Variants in ITGAV observed in about 807,000 individuals in gnomAD.
The protein encoded by ITGAV is integrin subunit alpha V, also known as integrin alpha-V.
Under a neutral mutation model 143.8 loss-of-function variants are expected in ITGAV, and 76 were observed. That is an observed-to-expected ratio of 0.53 (90% CI 0.44 to 0.64). ITGAV has a LOEUF of 0.64. Among genes scored for constraint, ITGAV ranks in the 30% least tolerant of loss-of-function variants. ITGAV has a pLI of 0.00. For missense variants in ITGAV, 1,193 were observed against 1,274.7 expected, an observed-to-expected ratio of 0.94 and a Z score of 0.98; for synonymous variants, 453 against 446.7, an observed-to-expected ratio of 1.01 and a Z score of -0.18.
At chr2:186,604,136 T>C (rs1463065903) in intron 2 of ITGAV, among the ~76,000 whole-genome samples, 1 of 152,052 alleles carries the variant, frequency 6.6e-6, no homozygotes, top group South Asian at 2.1e-4. Flanking sequence ...TCTCCTGAAG[T>C]CCTGAGACTA....
At chr2:186,633,987 G>A (rs976745758) in intron 6 of ITGAV, among the ~76,000 whole-genome samples, 11 of 151,970 alleles carry the variant, frequency 7.2e-5, no homozygotes, top group African/African-American at 2.7e-4. Flanking sequence ...AAGATCATAC[G>A]ACTGTACTCC....
chr2:186,593,921 T>C (rs1004749613), intron 1 of ITGAV, among the ~76,000 whole-genome samples: 3 of 152,244 alleles, frequency 2.0e-5, no homozygotes, highest in Non-Finnish European at 4.4e-5. Flanking sequence ...ATATATGTTA[T>C]ACAGTTCTCA....
chr2:186,669,268 A>G (rs1358385998), intron 25 of ITGAV, among the ~76,000 whole-genome samples: 1 of 152,222 alleles, frequency 6.6e-6, no homozygotes, highest in Non-Finnish European at 1.5e-5. Flanking sequence ...CTTTGGGATA[A>G]GCTATACCAT....
At chr2:186,593,355 A>C (rs980714017) in intron 1 of ITGAV, among the ~76,000 whole-genome samples, 2 of 152,202 alleles carry the variant, frequency 1.3e-5, no homozygotes, top group African/African-American at 4.8e-5. Flanking sequence ...ACTAAGCAAA[A>C]TGTTAAGGCG....
At chr2:186,661,735 T>C (rs577960208) in intron 18 of ITGAV, among the ~76,000 whole-genome samples, 1 of 152,088 alleles carries the variant, frequency 6.6e-6, no homozygotes, top group Non-Finnish European at 1.5e-5. Context: ...TAGCTGGGAC[T>C]ACAGGAACCC....
chr2:186,638,673 G>T (rs944624595), intron 10 of ITGAV, among the ~76,000 whole-genome samples: 1 of 99,094 alleles, frequency 1.0e-5, no homozygotes, highest in Non-Finnish European at 2.3e-5. Context: ...TGTGTGTGTA[G>T]TATATAAACA....
At chr2:186,616,705 A>G (rs1687374751) in intron 2 of ITGAV, among the ~76,000 whole-genome samples, 1 of 152,104 alleles carries the variant, frequency 6.6e-6, no homozygotes, top group East Asian at 1.9e-4. Context: ...AATATTTTAT[A>G]TAATTATATA....
intron 2 of ITGAV, among the ~76,000 whole-genome samples, chr2:186,609,696 C>T (rs1018816574): frequency 2.0e-5 from 3 of 151,774 alleles, no homozygotes; most frequent in Non-Finnish European, 2.9e-5. Flanking sequence ...GATGAAATTC[C>T]TTAGATGTCG....
chr2:186,655,619 G>T (rs1042901904), intron 16 of ITGAV, among the ~76,000 whole-genome samples: 1 of 152,188 alleles, frequency 6.6e-6, no homozygotes, highest in Non-Finnish European at 1.5e-5. Context: ...TGGTTTTAAA[G>T]ATTTGCACTC....
chr2:186,670,486 A>C (rs974572538), intron 26 of ITGAV, among the ~76,000 whole-genome samples: 1 of 152,058 alleles, frequency 6.6e-6, no homozygotes, highest in African/African-American at 2.4e-5. Context: ...TTTTTTGTTG[A>C]GATGAGGTTT....
In ITGAV at chr2:186,591,440, T is replaced by A. The variant is rs571171769; in HGVS notation, c.185+917T>A. Among the ~76,000 whole-genome samples, 19 of 152,354 alleles carry A rather than the reference T, an allele frequency of 1.2e-4. No individual in the cohort carries two copies. In the South Asian group the frequency reaches 2.9e-3, roughly 23 times the overall value. On this transcript the variant is annotated intron_variant, in intron 1 of 29. Coordinates refer to ENST00000261023, the MANE Select transcript of ITGAV (RefSeq NM_002210.5). ...TTTTAATGAATGTTGACTGTTTTTT[T>A]AATGATGTTTAAATCTTGTTTTCAA...
intron 2 of ITGAV, 46 bp downstream of exon 2, chr2:186,602,197 T>G (rs887175950): frequency 6.4e-7 from 1 of 1,569,776 alleles, no homozygotes; most frequent in South Asian, 1.2e-5. Flanking sequence ...TCATTTGATT[T>G]TTTTTTTGCA....
chr2:186,604,637 A>G (rs1687006847), intron 2 of ITGAV, among the ~76,000 whole-genome samples: 1 of 152,176 alleles, frequency 6.6e-6, no homozygotes, highest in Non-Finnish European at 1.5e-5. Flanking sequence ...CTCATTTATT[A>G]GCATATTTTT....
At chr2:186,619,988 T>G in intron 2 of ITGAV, among the ~76,000 whole-genome samples, 1 of 150,748 alleles carries the variant, frequency 6.6e-6, no homozygotes, top group Admixed American at 6.6e-5. Flanking sequence ...CAAGACTCCA[T>G]CTCAAAAAAA....
chr2:186,651,849 C>G lies in ITGAV; in HGVS notation c.1398-133C>G. On this transcript the variant is annotated intron_variant, in intron 14 of 29. Transcript: ENST00000261023. ...CACCTACGGTTATGTTGTTCCTGTT[C>G]CTTTTACTATTACAAACAATGCTTT... is the stretch of plus-strand genomic sequence containing the variant. The G allele has an allele frequency of 8.7e-6, 5 of 574,792 alleles. No homozygotes were observed. The South Asian group carries it at 9.5e-5, about 11-fold the overall frequency. The allele number at this position is 574,792 out of a possible 1,614,324, so 35.6% of individuals were successfully genotyped here.
In ITGAV at chr2:186,664,560, A is replaced by G. The variant is rs1167896423; in HGVS notation, c.1992A>G (p.Gln664=). 1.6e-5 allele frequency: 26 copies of G among 1,613,950 alleles called. No individual in the cohort carries two copies. The highest frequency in any genetic ancestry group is 2.1e-5 in the Non-Finnish European group (25 of 1,179,940). The change falls in exon 20 of 30, where the codon CAA becomes CAG. Residue 664 remains glutamine, a synonymous_variant. Transcript: ENST00000261023. ...PLTLIVKAQN[Q]GEGAYEAELI... ...CATTGATTGTTAAGGCTCAGAATCAAGGAGAAGGTGCCTACGAAGCTGAGC... is the reference window on the plus strand; with the variant it reads ...CATTGATTGTTAAGGCTCAGAATCAGGGAGAAGGTGCCTACGAAGCTGAGC...
In ITGAV at chr2:186,602,013, T is replaced by A. The variant is rs1357234224; in HGVS notation, c.186-8T>A. 1 of 1,603,634 alleles carries A rather than the reference T, an allele frequency of 6.2e-7. No individual in the cohort carries two copies. Among genetic ancestry groups the A allele is most frequent in the Non-Finnish European group, 8.5e-7 (1 of 1,176,378 alleles). On this transcript the variant is annotated splice_region_variant and splice_polypyrimidine_tract_variant and intron_variant, in intron 1 of 29. Coordinates refer to ENST00000261023, the MANE Select transcript of ITGAV (RefSeq NM_002210.5). Reference sequence around the variant, plus strand: ...TTTAAACTTTGGTCTGCCGCTTTTGTATTTTAGCCGGATGTTTCTTCTCGT... The same window carrying A: ...TTTAAACTTTGGTCTGCCGCTTTTGAATTTTAGCCGGATGTTTCTTCTCGT...
At chr2:186,667,057 C>T (rs1688918168) in intron 22 of ITGAV, 93 bp from the exon 23 acceptor site, 10 of 847,856 alleles carry the variant, frequency 1.2e-5, no homozygotes, top group South Asian at 9.3e-5. Context: ...ACACTTGTTT[C>T]GTTTGTTAAT....
At chr2:186,661,621 G>A (rs1207433151) in intron 18 of ITGAV, among the ~76,000 whole-genome samples, 3 of 148,072 alleles carry the variant, frequency 2.0e-5, no homozygotes, top group African/African-American at 5.0e-5. Context: ...TTTTTGAGAC[G>A]GAATCTTGCT....
Sources: allele counts gnomAD v4.1 joint callset (sites outside exome capture counted in the v4.1 genomes callset), GRCh38; gene constraint gnomAD v4.1.1; transcripts MANE v1.5; gene names NCBI Gene and HGNC (gene_info 2026-07-23, HGNC 2026-07-21).